The following OSBPL10 variants were observed in gnomAD, a reference collection of about 807,000 sequenced individuals.
The protein encoded by OSBPL10 is oxysterol-binding protein-related protein 10.
Under a neutral mutation model 81.7 loss-of-function variants are expected in OSBPL10, and 49 were observed. The observed-to-expected ratio is 0.60, with a 90% CI of 0.48 to 0.76. The LOEUF is 0.76. OSBPL10 is among the 30% of genes least tolerant of loss of function. The probability of loss-of-function intolerance (pLI) is 0.00; values close to 1 mark genes in which losing one functional copy is unlikely to be tolerated. For synonymous variants in OSBPL10, 419 were observed against 383.6 expected (o/e 1.09, Z -1.08); for missense variants, 923 against 987.8 (o/e 0.93, Z 0.88).
intron 3 of OSBPL10, among the ~76,000 whole-genome samples, chr3:31,840,393 C>T (rs1204729897): frequency 6.6e-6 from 1 of 152,192 alleles, no homozygotes; most frequent in Non-Finnish European, 1.5e-5. Context: ...ACAAAAATGC[C>T]AAGCTCAAAA....
chr3:32,033,572 A>G (rs189588754), intron 2 of OSBPL10, among the ~76,000 whole-genome samples: 25 of 152,338 alleles, frequency 1.6e-4, no homozygotes, highest in Non-Finnish European at 2.8e-4. Flanking sequence ...CACAAGTGAT[A>G]TCAACTTCCC....
At chr3:31,807,637 C>G (rs965598516) in intron 4 of OSBPL10, among the ~76,000 whole-genome samples, 2 of 151,662 alleles carry the variant, frequency 1.3e-5, no homozygotes, top group Non-Finnish European at 2.9e-5. Flanking sequence ...ACTTAGGAGG[C>G]TGAGGTGGGA....
At chr3:31,802,124 G>A (rs984363443) in intron 4 of OSBPL10, among the ~76,000 whole-genome samples, 1 of 148,254 alleles carries the variant, frequency 6.7e-6, no homozygotes, top group South Asian at 2.1e-4. Flanking sequence ...CACCCAGTCC[G>A]CCCGCCTCGG....
intron 1 of OSBPL10, among the ~76,000 whole-genome samples, chr3:31,886,115 G>A (rs1008462116): frequency 6.6e-6 from 1 of 151,766 alleles, no homozygotes; most frequent in Non-Finnish European, 1.5e-5. Flanking sequence ...AACTACAAGA[G>A]AATTACAAAC....
intron 4 of OSBPL10, among the ~76,000 whole-genome samples, chr3:31,777,902 C>G (rs554391796): frequency 3.3e-5 from 5 of 152,356 alleles, no homozygotes; most frequent in South Asian, 4.1e-4. Context: ...CTGACAATGT[C>G]TCACAGGGGC....
chr3:31,809,071 C>T (rs1443583634), intron 4 of OSBPL10, among the ~76,000 whole-genome samples: 1 of 152,142 alleles, frequency 6.6e-6, no homozygotes, highest in Admixed American at 6.5e-5. Context: ...TCACAACCGC[C>T]ACTACTATTT....
intron 1 of OSBPL10, among the ~76,000 whole-genome samples, chr3:31,901,650 G>A (rs1696245331): frequency 6.6e-6 from 1 of 152,138 alleles, no homozygotes; most frequent in Non-Finnish European, 1.5e-5. Flanking sequence ...GGGATTATTT[G>A]TTAACATCCA....
At chr3:31,870,263 G>A (rs973879385) in intron 3 of OSBPL10, among the ~76,000 whole-genome samples, 2 of 152,240 alleles carry the variant, frequency 1.3e-5, no homozygotes, top group African/African-American at 2.4e-5. Flanking sequence ...TAGCACCTGG[G>A]CCAGTGGCTG....
intron 5 of OSBPL10, among the ~76,000 whole-genome samples, chr3:31,739,765 T>C (rs1697284416): frequency 1.3e-5 from 2 of 152,230 alleles, no homozygotes; most frequent in Admixed American, 1.3e-4. Context: ...ATTTTTGTTC[T>C]TTAAGCCACC....
rs113472140 is a variant in OSBPL10, at chr3:31,901,900, C to T, written c.282-22070G>A. ...TAAAAATCAGCTAGGTATGGTGCCG[C>T]GCACCTGTGGTCCCAGCTACTTGGA... On this transcript the variant is annotated intron_variant, in intron 1 of 11. Transcript: ENST00000396556. 6.8e-3 allele frequency among the ~76,000 whole-genome samples: 1,033 copies of T among 152,174 alleles called. 3 individuals carry two copies. Among genetic ancestry groups the T allele is most frequent in the Middle Eastern group, 0.034 (10 of 294 alleles).
In OSBPL10 at chr3:31,788,166, C is replaced by T. The variant is rs2125786168; in HGVS notation, c.730-40046G>A. On this transcript the variant is annotated intron_variant, in intron 4 of 11. Coordinates refer to ENST00000396556, the MANE Select transcript of OSBPL10 (RefSeq NM_017784.5). ...TAGAGATAAGCCTGTATCTAGATTT[C>T]AGAGATGTCAGCAATCTGACCCTGG... Among the ~76,000 whole-genome samples the T allele has an allele frequency of 1.3e-5, 2 of 152,238 alleles. 1 individual carries two copies. Among genetic ancestry groups the T allele is most frequent in the Non-Finnish European group, 2.9e-5 (2 of 68,018 alleles).
intron 4 of OSBPL10, among the ~76,000 whole-genome samples, chr3:31,792,156 G>A (rs1699027116): frequency 6.6e-6 from 1 of 151,528 alleles, no homozygotes; most frequent in South Asian, 2.1e-4. Flanking sequence ...TCGAGCTCAC[G>A]CAATTGAGGC....
At position 31,887,980 on chromosome 3, in the gene OSBPL10, T is replaced by G. The variant is rs548605097; in HGVS notation, c.282-8150A>C. The stretch of plus-strand genomic sequence containing the variant: ...CAACACACCCCAGGTGGTACTAAAT[T>G]GTCAGAGGGTCCTCAGGCTCATCAC... On this transcript the variant is annotated intron_variant, in intron 1 of 11. Coordinates refer to ENST00000396556, the MANE Select transcript of OSBPL10 (RefSeq NM_017784.5). 2.6e-4 allele frequency among the ~76,000 whole-genome samples: 39 copies of G among 151,986 alleles called. 1 individual carries two copies. In the South Asian group the frequency reaches 7.5e-3, roughly 29 times the overall value.
chr3:31,859,163 GTTT>G (rs948517574), intron 3 of OSBPL10, among the ~76,000 whole-genome samples: 3 of 151,610 alleles, frequency 2.0e-5, no homozygotes, highest in Admixed American at 6.6e-5. Context: ...CAGAAACCAG[GTTT>G]TTTTTTTTGT....
intron 2 of OSBPL10, among the ~76,000 whole-genome samples, chr3:31,996,591 A>G (rs1463685213): frequency 2.6e-5 from 4 of 152,226 alleles, no homozygotes; most frequent in Non-Finnish European, 5.9e-5. Context: ...GACCACTTAC[A>G]GAAAATCTCT....
At chr3:31,719,939 G>A (rs751266709) in intron 6 of OSBPL10, among the ~76,000 whole-genome samples, 69 of 151,470 alleles carry the variant, frequency 4.6e-4, no homozygotes, top group Non-Finnish European at 8.7e-4. Flanking sequence ...CAATCTCTAC[G>A]TACTGACAAG....
At chr3:32,054,816 C>A (rs528792277) in intron 1 of OSBPL10, among the ~76,000 whole-genome samples, 29 of 152,248 alleles carry the variant, frequency 1.9e-4, no homozygotes, top group African/African-American at 7.0e-4. Context: ...CAGGCATGAG[C>A]CACTGTGCCC....
At chr3:31,873,261 T>C (rs1473483790) in intron 3 of OSBPL10, among the ~76,000 whole-genome samples, 1 of 152,166 alleles carries the variant, frequency 6.6e-6, no homozygotes, top group Non-Finnish European at 1.5e-5. Flanking sequence ...TATTCTACGA[T>C]AAAAAGGAAG....
intron 4 of OSBPL10, among the ~76,000 whole-genome samples, chr3:31,798,969 G>T (rs556069805): frequency 6.7e-4 from 102 of 152,296 alleles, no homozygotes; most frequent in Non-Finnish European, 1.2e-3. Context: ...TAATGCTGCT[G>T]ATCTGACAGG....
Sources: allele counts gnomAD v4.1 joint callset (sites outside exome capture counted in the v4.1 genomes callset), GRCh38; gene constraint gnomAD v4.1.1; transcripts MANE v1.5; gene names NCBI Gene and HGNC (gene_info 2026-07-23, HGNC 2026-07-21).